FFAR1: variants seen among roughly 807,000 people sequenced by gnomAD.
FFAR1 encodes the protein free fatty acid receptor 1.
For synonymous variants in FFAR1, 216 were observed against 201.5 expected, an observed-to-expected ratio of 1.07 and a Z score of -0.61; for missense variants, 424 against 396.2, an observed-to-expected ratio of 1.07 and a Z score of -0.60.
exon 1 of FFAR1, chr19:35,351,903 C>G (rs956591250): frequency 1.2e-6 from 2 of 1,614,050 alleles, no homozygotes; most frequent in East Asian, 4.5e-5. Context: ...CCAAGCCTTC[C>G]GGAGGCCGTG....
chr19:35,353,794 A>C (rs1269647913), exon 1 of FFAR1: 3 of 152,234 alleles, frequency 2.0e-5, no homozygotes, highest in Non-Finnish European at 2.9e-5. Flanking sequence ...TGGCATCACT[A>C]GTGGCCCCGC....
chr19:35,352,513 C>T (rs1262269156), exon 1 of FFAR1: 28 of 1,503,792 alleles, frequency 1.9e-5, no homozygotes, highest in Non-Finnish European at 2.5e-5. Context: ...CTCCAGGCCC[C>T]TGCGGGGGGC....
At chr19:35,352,173 G>A in exon 1 of FFAR1, 2 of 1,607,996 alleles carry the variant, frequency 1.2e-6, no homozygotes, top group Middle Eastern at 1.7e-4. Flanking sequence ...CTGCCTCCGG[G>A]CACTGGCCCG....
In FFAR1 at chr19:35,352,263, G is replaced by T; in HGVS notation, c.712G>T (p.Gly238Ter). The stretch of plus-strand genomic sequence containing the variant: ...CCTCCTCACGCTGCTGCTCTGCGTA[G>T]GACCCTACAACGCCTCCAACGTGGC... The change falls in exon 1 of 1, where the codon GGA (glycine) becomes TGA (stop). Residue 238 changes from glycine to a stop codon, truncating the protein, a stop_gained. Coordinates refer to ENST00000246553, the Ensembl canonical transcript of FFAR1. LOFTEE classifies it low-confidence loss of function (END_TRUNC). 1.3e-6 allele frequency: 2 copies of T among 1,553,936 alleles called. No homozygotes were observed.
At chr19:35,351,482 G>A (rs182374629), upstream of FFAR1, 7 of 1,452,304 alleles carry the variant, frequency 4.8e-6, no homozygotes, top group South Asian at 1.2e-5. Context: ...CCTCCTCTCC[G>A]GGGCCCCAAG....
At chr19:35,349,892 G>A (rs994900803), upstream of FFAR1, among the ~76,000 whole-genome samples, 12 of 152,164 alleles carry the variant, frequency 7.9e-5, no homozygotes, top group African/African-American at 2.9e-4. Flanking sequence ...AGCAGGCGTG[G>A]GCACACCTGA....
At chr19:35,348,693 A>G (rs2037827156), upstream of FFAR1, among the ~76,000 whole-genome samples, 1 of 152,140 alleles carries the variant, frequency 6.6e-6, no homozygotes, top group African/African-American at 2.4e-5. Flanking sequence ...CTCTTTCTTC[A>G]TTCATTCTGC....
At chr19:35,353,741 T>C (rs1284198242) in exon 1 of FFAR1, 1 of 152,246 alleles carries the variant, frequency 6.6e-6, no homozygotes, top group Non-Finnish European at 1.5e-5. Context: ...TTCAACCCTT[T>C]TTTATAATGT....
chr19:35,349,290 C>T (rs1323438429), upstream of FFAR1, among the ~76,000 whole-genome samples: 1 of 152,148 alleles, frequency 6.6e-6, no homozygotes, highest in Admixed American at 6.5e-5. Context: ...GCTGAGGCAC[C>T]CGGGAAGGCC....
At chr19:35,351,725 T>G in exon 1 of FFAR1, 2 of 1,564,960 alleles carry the variant, frequency 1.3e-6, no homozygotes, top group Non-Finnish European at 1.7e-6. Context: ...TGACAGTCTC[T>G]CTGCCCCTGA....
upstream of FFAR1, among the ~76,000 whole-genome samples, chr19:35,350,204 C>T (rs2066938221): frequency 1.3e-5 from 2 of 152,204 alleles, no homozygotes; most frequent in African/African-American, 4.8e-5. Context: ...CCTCCTCCCG[C>T]TCCTTCCTCC....
At chr19:35,352,522 G>A in exon 1 of FFAR1, 6 of 1,490,158 alleles carry the variant, frequency 4.0e-6, no homozygotes, top group Middle Eastern at 2.4e-4. Context: ...CCTGCGGGGG[G>A]CTGCTTCGGA....
At chr19:35,349,888 C>T (rs1171486909), upstream of FFAR1, among the ~76,000 whole-genome samples, 1 of 152,180 alleles carries the variant, frequency 6.6e-6, no homozygotes, top group Non-Finnish European at 1.5e-5. Context: ...CACCAGCAGG[C>T]GTGGGCACAC....
chr19:35,353,692 C>T (rs1418415022), exon 1 of FFAR1: 9 of 152,152 alleles, frequency 5.9e-5, no homozygotes, highest in East Asian at 1.9e-4. Flanking sequence ...CGGCAGTAAC[C>T]GCGGCTGCAG....
exon 1 of FFAR1, chr19:35,352,709 TTCTC>T (rs1333091513): frequency 1.8e-6 from 1 of 555,262 alleles, no homozygotes; most frequent in African/African-American, 1.9e-5. Flanking sequence ...TCGCCTATCT[TTCTC>T]TCCCCTCTGC....
chr19:35,351,634 G>A (rs774038954), exon 1 of FFAR1: 3 of 1,545,158 alleles, frequency 1.9e-6, no homozygotes, highest in East Asian at 4.9e-5. Flanking sequence ...CTGGCCATCC[G>A]AGGCGCGACG....
chr19:35,347,995 C>T (rs772507644), upstream of FFAR1, among the ~76,000 whole-genome samples: 7 of 152,220 alleles, frequency 4.6e-5, no homozygotes, highest in Admixed American at 2.0e-4. Context: ...CTCCCCTCTC[C>T]GCTTCTCGGG....
exon 1 of FFAR1, chr19:35,352,711 C>T: frequency 1.1e-5 from 6 of 557,320 alleles, no homozygotes; most frequent in Non-Finnish European, 3.2e-6. Flanking sequence ...GCCTATCTTT[C>T]TCTCCCCTCT....
chr19:35,351,251 C>CGCGTG (rs2066942919), upstream of FFAR1, among the ~76,000 whole-genome samples: 1 of 152,190 alleles, frequency 6.6e-6, no homozygotes, highest in Non-Finnish European at 1.5e-5. Flanking sequence ...CTGTGCGCCA[C>CGCGTG]ATCCTATCTC....
Sources: gnomAD v4.1 joint callset for allele counts (sites outside exome capture counted in the v4.1 genomes callset) on GRCh38, gnomAD v4.1.1 for gene constraint, MANE v1.5 for transcripts, NCBI Gene and HGNC (gene_info 2026-07-23, HGNC 2026-07-21) for gene names.